TXLNB: variants seen among roughly 807,000 people sequenced by gnomAD.
TXLNB encodes the protein beta-taxilin.
In TXLNB, 37 loss-of-function variants were observed where a neutral mutation model predicts 57.4. That is an observed-to-expected ratio of 0.64 (90% CI 0.50 to 0.85). TXLNB has a LOEUF of 0.85. TXLNB is among the 40% of genes least tolerant of loss of function. TXLNB has a pLI of 0.00. For synonymous variants in TXLNB, 302 were observed against 309.6 expected (o/e 0.98, Z 0.26); for missense variants, 848 against 825.6 (o/e 1.03, Z -0.33).
intron 7 of TXLNB, among the ~76,000 whole-genome samples, chr6:139,253,466 C>A (rs1334150828): frequency 6.6e-6 from 1 of 152,010 alleles, no homozygotes; most frequent in Non-Finnish European, 1.5e-5. Flanking sequence ...CGACTCCAGG[C>A]TGGGGTCATT....
upstream of TXLNB, among the ~76,000 whole-genome samples, chr6:139,296,839 T>G (rs1777398187): frequency 6.6e-6 from 1 of 152,168 alleles, no homozygotes; most frequent in Non-Finnish European, 1.5e-5. Flanking sequence ...ATCATTTGAA[T>G]GCAGGAATTC....
At chr6:139,199,584 G>A in the TXLNB span, among the ~76,000 whole-genome samples, 2 of 152,190 alleles carry the variant, frequency 1.3e-5, no homozygotes, top group Non-Finnish European at 2.9e-5. Flanking sequence ...ACCCAAGCTG[G>A]GGGAGATAGG....
chr6:139,198,284 G>A, the TXLNB span, among the ~76,000 whole-genome samples: 1 of 151,892 alleles, frequency 6.6e-6, no homozygotes. Context: ...GAAGTCTTGG[G>A]TAGGGCTGCT....
intron 8 of TXLNB, among the ~76,000 whole-genome samples, chr6:139,246,084 AT>A (rs11315899): frequency 0.47 from 71,747 of 151,722 alleles, 20,046 homozygotes; most frequent in African/African-American, 0.79. Flanking sequence ...TATGTGCATC[AT>A]TTTTTTTTAT....
intron 4 of TXLNB, among the ~76,000 whole-genome samples, chr6:139,268,672 T>C: frequency 6.6e-6 from 1 of 152,240 alleles, no homozygotes; most frequent in Non-Finnish European, 1.5e-5. Context: ...AGTGGAGATA[T>C]TAACCTTCAC....
chr6:139,226,414 A>G, the TXLNB span, among the ~76,000 whole-genome samples: 1 of 152,058 alleles, frequency 6.6e-6, no homozygotes, highest in African/African-American at 2.4e-5. Context: ...AACAAAATAC[A>G]AATGTATTTG....
At chr6:139,172,642 T>C in the TXLNB span, among the ~76,000 whole-genome samples, 1 of 152,152 alleles carries the variant, frequency 6.6e-6, no homozygotes, top group South Asian at 2.1e-4. Context: ...GTCAGGACAA[T>C]GTGTAGCAGA....
downstream of TXLNB, among the ~76,000 whole-genome samples, chr6:139,235,948 G>T (rs779531082): frequency 2.0e-5 from 3 of 152,122 alleles, no homozygotes; most frequent in Non-Finnish European, 2.9e-5. Flanking sequence ...ATGCTGGTAG[G>T]CCATCAACAG....
chr6:139,256,602 A>T (rs1390081372), intron 6 of TXLNB, among the ~76,000 whole-genome samples: 1 of 152,254 alleles, frequency 6.6e-6, no homozygotes, highest in African/African-American at 2.4e-5. Context: ...TGCTGGGATC[A>T]TAGGCGTGAG....
Position 139,242,534 on chromosome 6 carries a change from C to T in TXLNB, c.2047G>A (p.Val683Ile), listed in dbSNP as rs1031556298. 2 of 1,501,332 alleles carry T rather than the reference C, an allele frequency of 1.3e-6. No homozygotes were observed. The highest frequency in any genetic ancestry group is 1.4e-5 in the African/African-American group (1 of 70,920). 93.0% of individuals were successfully genotyped at this position (1,501,332 alleles called of 1,614,324 possible). ...TGAAGGCACGGTGAGGCTTAGTCGA[C>T]GCCTTCCAGATTGGTGTCAGCCACG... ...RNVADTNLEG[V>I]D The change falls in exon 10 of 10, where the codon GTC becomes ATC. Residue 683 changes from valine to isoleucine, a missense_variant. Val to Ile is a conservative substitution (Grantham distance 29, BLOSUM62 3). Coordinates refer to ENST00000358430, the MANE Select transcript of TXLNB (RefSeq NM_153235.4).
At chr6:139,268,075 G>A (rs58415634) in intron 4 of TXLNB, among the ~76,000 whole-genome samples, 12,708 of 150,744 alleles carry the variant, frequency 0.084, 589 homozygotes, top group Middle Eastern at 0.11. Context: ...GCTTGAACCC[G>A]GGAGGCGGAG....
At chr6:139,288,371 C>G (rs889517281) in intron 2 of TXLNB, 105 bp downstream of exon 2, 1 of 1,086,902 alleles carries the variant, frequency 9.2e-7, no homozygotes, top group African/African-American at 1.6e-5. Flanking sequence ...AAGGCTACTA[C>G]AGTCATCCAA....
At chr6:139,279,848 C>A (rs935254876) in intron 2 of TXLNB, among the ~76,000 whole-genome samples, 2 of 152,164 alleles carry the variant, frequency 1.3e-5, no homozygotes, top group African/African-American at 4.8e-5. Flanking sequence ...CACCACACTG[C>A]GAAATGCTCA....
At chr6:139,192,790 AAAG>A in the TXLNB span, among the ~76,000 whole-genome samples, 1 of 151,432 alleles carries the variant, frequency 6.6e-6, no homozygotes, top group Non-Finnish European at 1.5e-5. Flanking sequence ...TAAAAAAAAA[AAAG>A]AAAGAAAGAA....
chr6:139,217,533 T>G, the TXLNB span, among the ~76,000 whole-genome samples: 1 of 152,158 alleles, frequency 6.6e-6, no homozygotes, highest in Non-Finnish European at 1.5e-5. Flanking sequence ...AACGTCTGCT[T>G]CATCCTGCTT....
In TXLNB at chr6:139,259,459, C is replaced by T. The variant is rs115870207; in HGVS notation, c.1002+859G>A. 6.4e-3 allele frequency among the ~76,000 whole-genome samples: 979 copies of T among 152,268 alleles called. 7 individuals carry two copies. Among genetic ancestry groups the T allele is most frequent in the African/African-American group, 0.023 (937 of 41,548 alleles). On this transcript the variant is annotated intron_variant, in intron 6 of 9. Transcript: ENST00000358430. ...CACCAAATTGGTTCCAGCATTAGGGCGTTTGTTGCTGCTGCAGATGCTGGA... is the reference window on the plus strand; with the variant it reads ...CACCAAATTGGTTCCAGCATTAGGGTGTTTGTTGCTGCTGCAGATGCTGGA...
chr6:139,285,733 C>T (rs896454863), intron 2 of TXLNB, among the ~76,000 whole-genome samples: 16 of 145,102 alleles, frequency 1.1e-4, no homozygotes, highest in Admixed American at 1.1e-3. Flanking sequence ...GTGATGCCAT[C>T]GTAAAGCAAA....
chr6:139,190,146 A>C, the TXLNB span, among the ~76,000 whole-genome samples: 34 of 152,146 alleles, frequency 2.2e-4, no homozygotes, highest in Admixed American at 2.2e-3. Context: ...CATTTAGAAT[A>C]AAAGTGATTC....
At chr6:139,224,690 G>A in the TXLNB span, among the ~76,000 whole-genome samples, 1 of 151,604 alleles carries the variant, frequency 6.6e-6, no homozygotes, top group Non-Finnish European at 1.5e-5. Flanking sequence ...AACTGACAGG[G>A]AAAATGGAAA....
Sources: allele counts gnomAD v4.1 joint callset (sites outside exome capture counted in the v4.1 genomes callset), GRCh38; gene constraint gnomAD v4.1.1; transcripts MANE v1.5; gene names NCBI Gene and HGNC (gene_info 2026-07-23, HGNC 2026-07-21).